The following BANF2 variants were observed in gnomAD, a reference collection of about 807,000 sequenced individuals.
The protein encoded by BANF2 is barrier-to-autointegration factor-like protein.
BANF2 carries 4 observed loss-of-function variants against 8.0 expected under a neutral mutation model. The observed-to-expected ratio is 0.50, with a 90% CI of 0.25 to 1.14. The LOEUF is 1.14. Ranked by LOEUF, BANF2 falls within the 50% of genes most tolerant of loss-of-function variation. The pLI is 0.16. For missense variants in BANF2, 96 were observed against 107.5 expected, an observed-to-expected ratio of 0.89 and a Z score of 0.47; for synonymous variants, 50 against 40.6, an observed-to-expected ratio of 1.23 and a Z score of -0.88.
intron 1 of BANF2, among the ~76,000 whole-genome samples, chr20:17,720,646 T>C (rs2037715538): frequency 1.3e-5 from 2 of 152,142 alleles, no homozygotes; most frequent in African/African-American, 2.4e-5. Flanking sequence ...TTGCCAGGGG[T>C]TGCAGGGAAA....
At chr20:17,715,489 A>T (rs1353140510) in intron 1 of BANF2, among the ~76,000 whole-genome samples, 2 of 152,260 alleles carry the variant, frequency 1.3e-5, no homozygotes, top group African/African-American at 4.8e-5. Context: ...TAAGACAGCC[A>T]ACAAGGAGCG....
At chr20:17,709,847 G>A (rs1170637681) in intron 1 of BANF2, among the ~76,000 whole-genome samples, 4 of 152,196 alleles carry the variant, frequency 2.6e-5, no homozygotes, top group African/African-American at 4.8e-5. Context: ...AGCTTAGCAC[G>A]GTGCCTTGGT....
intron 1 of BANF2, among the ~76,000 whole-genome samples, chr20:17,708,958 T>A (rs1390098661): frequency 6.6e-6 from 1 of 152,206 alleles, no homozygotes; most frequent in East Asian, 1.9e-4. Flanking sequence ...CAAAAGCTAT[T>A]TAGAAATTAC....
chr20:17,717,314 A>G (rs957066112), intron 1 of BANF2, among the ~76,000 whole-genome samples: 3 of 152,104 alleles, frequency 2.0e-5, no homozygotes, highest in Non-Finnish European at 4.4e-5. Flanking sequence ...GAGTGTTCTC[A>G]GGGCATAGGG....
At chr20:17,719,638 A>T (rs2037701550) in intron 1 of BANF2, among the ~76,000 whole-genome samples, 1 of 151,824 alleles carries the variant, frequency 6.6e-6, no homozygotes, top group Non-Finnish European at 1.5e-5. Flanking sequence ...TTTTATGTAA[A>T]GGAATTCCAG....
upstream of BANF2, among the ~76,000 whole-genome samples, chr20:17,695,959 G>A (rs183879295): frequency 2.8e-4 from 42 of 152,248 alleles, no homozygotes; most frequent in East Asian, 3.9e-3. Flanking sequence ...CTGTTGCTCA[G>A]CATAATGTTT....
intron 3 of BANF2, among the ~76,000 whole-genome samples, chr20:17,733,835 A>G (rs1043612295): frequency 1.6e-4 from 24 of 152,350 alleles, no homozygotes; most frequent in African/African-American, 4.6e-4. Context: ...GGTATATTTT[A>G]TGACTGGGAT....
chr20:17,725,241 G>C, intron 3 of BANF2, 90 bp downstream of exon 3: 1 of 1,457,678 alleles, frequency 6.9e-7, no homozygotes. Flanking sequence ...ACGTGTCCCT[G>C]TGAAGGGCCA....
At chr20:17,728,479 C>T (rs2037843753) in intron 3 of BANF2, among the ~76,000 whole-genome samples, 1 of 152,178 alleles carries the variant, frequency 6.6e-6, no homozygotes, top group Admixed American at 6.5e-5. Context: ...CTGGGAGTCC[C>T]CTTCTCAAAC....
intron 1 of BANF2, among the ~76,000 whole-genome samples, chr20:17,707,457 G>C (rs566006760): frequency 1.7e-3 from 256 of 152,200 alleles, no homozygotes; most frequent in African/African-American, 5.7e-3. Context: ...TAGGAAGATG[G>C]AAGTACAGCA....
chr20:17,717,170 C>T (rs2037666645), intron 1 of BANF2, among the ~76,000 whole-genome samples: 2 of 152,140 alleles, frequency 1.3e-5, no homozygotes, highest in Admixed American at 6.5e-5. Flanking sequence ...TGAGCTCCCT[C>T]GGGCTTGACT....
intron 1 of BANF2, among the ~76,000 whole-genome samples, chr20:17,720,418 T>C (rs1259870434): frequency 6.6e-6 from 1 of 152,212 alleles, no homozygotes; most frequent in Non-Finnish European, 1.5e-5. Flanking sequence ...GGCAGGATAT[T>C]CTAAGACATG....
chr20:17,715,217 T>C (rs1217496027), intron 1 of BANF2, among the ~76,000 whole-genome samples: 1 of 152,164 alleles, frequency 6.6e-6, no homozygotes, highest in Non-Finnish European at 1.5e-5. Flanking sequence ...TCCTTCCTAG[T>C]TCCCTGAAAA....
chr20:17,719,434 G>A (rs1031787612), intron 1 of BANF2, among the ~76,000 whole-genome samples: 14 of 152,044 alleles, frequency 9.2e-5, no homozygotes, highest in African/African-American at 3.1e-4. Context: ...ACCTGGGCCA[G>A]GTGCATCGTC....
intron 3 of BANF2, among the ~76,000 whole-genome samples, chr20:17,734,669 C>T (rs1425370302): frequency 1.3e-5 from 2 of 152,024 alleles, no homozygotes; most frequent in Non-Finnish European, 2.9e-5. Flanking sequence ...CTACTTGGGT[C>T]GGGGAGGGAG....
At chr20:17,735,441 G>A (rs530768057) in intron 3 of BANF2, among the ~76,000 whole-genome samples, 6 of 152,286 alleles carry the variant, frequency 3.9e-5, no homozygotes, top group African/African-American at 9.6e-5. Context: ...CAGGGTGGAC[G>A]GCCCGCAAAC....
At chr20:17,699,440 A>G (rs1307047125), upstream of BANF2, among the ~76,000 whole-genome samples, 1 of 152,158 alleles carries the variant, frequency 6.6e-6, no homozygotes, top group Non-Finnish European at 1.5e-5. Context: ...GAGGATTTAT[A>G]TTTCTGCTTG....
intron 1 of BANF2, among the ~76,000 whole-genome samples, chr20:17,711,390 C>CT (rs1253494056): frequency 6.6e-6 from 1 of 152,220 alleles, no homozygotes; most frequent in Non-Finnish European, 1.5e-5. Flanking sequence ...AAATACGATT[C>CT]TTTATTCTTA....
intron 1 of BANF2, among the ~76,000 whole-genome samples, chr20:17,702,911 G>A (rs1027109632): frequency 2.0e-5 from 3 of 152,212 alleles, no homozygotes; most frequent in Non-Finnish European, 4.4e-5. Context: ...AGCTGCGCTT[G>A]TTGTTTAAAT....
Sources: gnomAD v4.1 joint callset for allele counts (sites outside exome capture counted in the v4.1 genomes callset) on GRCh38, gnomAD v4.1.1 for gene constraint, MANE v1.5 for transcripts, NCBI Gene and HGNC (gene_info 2026-07-23, HGNC 2026-07-21) for gene names.